The following PDLIM5 variants were observed in gnomAD, a reference collection of about 807,000 sequenced individuals.
PDLIM5 encodes PDZ and LIM domain 5.
Under a neutral mutation model 64.2 loss-of-function variants are expected in PDLIM5, and 34 were observed. That is an observed-to-expected ratio of 0.53 (90% confidence interval 0.40 to 0.71). The LOEUF (loss-of-function observed/expected upper bound fraction) is 0.71. Among genes scored for constraint, PDLIM5 ranks in the 30% least tolerant of loss-of-function variants. The pLI, the probability that PDLIM5 is intolerant of heterozygous loss-of-function variation, is 0.00. For synonymous variants in PDLIM5, 253 were observed against 269.1 expected (o/e 0.94, Z 0.59); for missense variants, 683 against 733.6 (o/e 0.93, Z 0.80).
chr4:94,612,370 A>G (rs938537397), intron 7 of PDLIM5, among the ~76,000 whole-genome samples: 7 of 152,190 alleles, frequency 4.6e-5, no homozygotes, highest in African/African-American at 1.7e-4. Flanking sequence ...TTATATTAGA[A>G]TATTGTGAGT....
At chr4:94,543,957 G>A (rs747081108) in intron 3 of PDLIM5, among the ~76,000 whole-genome samples, 13 of 152,090 alleles carry the variant, frequency 8.5e-5, no homozygotes, top group Admixed American at 2.0e-4. Flanking sequence ...TGGGATTGTC[G>A]GATCATATGG....
Position 94,664,562 on chromosome 4 carries a change from T to A in PDLIM5, c.*495T>A. On this transcript the variant is annotated 3_prime_UTR_variant, in exon 13 of 13. Coordinates refer to ENST00000317968, the MANE Select transcript of PDLIM5 (RefSeq NM_006457.5). ...AACAGAGAATTTTATCAGTAATAGG[T>A]GTCAGTTTTTAAAAAATTGCTTGTA... 10 of 866,816 alleles carry A rather than the reference T, an allele frequency of 1.2e-5. No homozygotes were observed. Among genetic ancestry groups the A allele is most frequent in the African/African-American group, 1.8e-5 (1 of 54,466 alleles). 53.7% of individuals were successfully genotyped at this position (866,816 alleles called of 1,614,324 possible).
intron 5 of PDLIM5, among the ~76,000 whole-genome samples, chr4:94,585,342 A>G (rs1421629837): frequency 1.3e-5 from 2 of 152,098 alleles, no homozygotes; most frequent in Non-Finnish European, 1.5e-5. Flanking sequence ...CGCCCACCTC[A>G]GCCTCCCAAA....
chr4:94,531,025 T>G (rs1175754156), intron 3 of PDLIM5, among the ~76,000 whole-genome samples: 2 of 152,316 alleles, frequency 1.3e-5, no homozygotes, highest in East Asian at 3.9e-4. Flanking sequence ...TCTGGGACAT[T>G]TCAGTTCATG....
In PDLIM5 at chr4:94,640,458, G is replaced by GT; in HGVS notation, c.1283+14dup. The GT allele has an allele frequency of 7.1e-7, 1 of 1,409,126 alleles. No homozygotes were observed. The highest frequency in any genetic ancestry group is 9.5e-7 in the Non-Finnish European group (1 of 1,055,424). The allele number at this position is 1,409,126 out of a possible 1,614,324, so 87.3% of individuals were successfully genotyped here. A position where few individuals can be genotyped will look rare whatever the true frequency, so the allele number is the denominator to read the frequency against. ...TTGTAACCAGGTCATCAGGTTGGTT[G>GT]TTTTTTGAAATTTTCTTGAAAGTAC... On this transcript the variant is annotated intron_variant, in intron 9 of 12. Transcript: ENST00000317968.
chr4:94,510,297 A>G (rs1169429808), intron 2 of PDLIM5, among the ~76,000 whole-genome samples: 1 of 152,180 alleles, frequency 6.6e-6, no homozygotes, highest in African/African-American at 2.4e-5. Flanking sequence ...AGAAATACCC[A>G]TGTTTGCTGG....
At position 94,467,874 on chromosome 4, in the gene PDLIM5, T is replaced by C. The variant is rs571690059; in HGVS notation, c.96+12490T>C. On this transcript the variant is annotated intron_variant, in intron 2 of 12. Coordinates refer to ENST00000317968, the MANE Select transcript of PDLIM5 (RefSeq NM_006457.5). ...CAGGGGAATGAGTTATATTTCCCTT[T>C]GAGTCTTGTGGATATTCTGTAAGAA... 1.5e-4 allele frequency among the ~76,000 whole-genome samples: 23 copies of C among 152,356 alleles called. No individual in the cohort carries two copies. The South Asian group carries it at 4.8e-3, about 32-fold the overall frequency.
intron 8 of PDLIM5, among the ~76,000 whole-genome samples, chr4:94,636,282 G>A (rs528832462): frequency 3.3e-5 from 5 of 152,086 alleles, no homozygotes; most frequent in Non-Finnish European, 5.9e-5. Flanking sequence ...AAAGGCATAT[G>A]GTAGATGAAA....
chr4:94,636,108 G>A (rs1740536827), intron 8 of PDLIM5, among the ~76,000 whole-genome samples: 1 of 152,158 alleles, frequency 6.6e-6, no homozygotes, highest in Non-Finnish European at 1.5e-5. Flanking sequence ...GGCTTCTCAT[G>A]CTAAATAAGT....
chr4:94,594,298 GGT>G, intron 7 of PDLIM5, among the ~76,000 whole-genome samples: 1 of 151,916 alleles, frequency 6.6e-6, no homozygotes, highest in African/African-American at 2.4e-5. Context: ...TTGTGTTTTT[GGT>G]GTGTTTCAAC....
At chr4:94,511,968 T>G (rs773840870) in intron 2 of PDLIM5, among the ~76,000 whole-genome samples, 8 of 151,964 alleles carry the variant, frequency 5.3e-5, no homozygotes, top group Non-Finnish European at 1.2e-4. Flanking sequence ...ATATACTGAC[T>G]TCCTGTCTTT....
intron 12 of PDLIM5, among the ~76,000 whole-genome samples, chr4:94,663,673 C>A (rs890777725): frequency 6.6e-6 from 1 of 152,038 alleles, no homozygotes; most frequent in Non-Finnish European, 1.5e-5. Flanking sequence ...ATTTAACGAG[C>A]CCCCTTTCTA....
intron 2 of PDLIM5, among the ~76,000 whole-genome samples, chr4:94,485,707 G>A (rs1428642842): frequency 6.6e-6 from 1 of 151,204 alleles, no homozygotes; most frequent in Non-Finnish European, 1.5e-5. Flanking sequence ...ACCACTAGCC[G>A]GGCGTGGTGG....
At chr4:94,623,909 T>C (rs939294326) in intron 8 of PDLIM5, among the ~76,000 whole-genome samples, 6 of 152,204 alleles carry the variant, frequency 3.9e-5, no homozygotes, top group African/African-American at 1.4e-4. Context: ...CTCTTCAGAA[T>C]TAAGATCGTG....
chr4:94,522,760 A>G (rs1289549880), intron 2 of PDLIM5, among the ~76,000 whole-genome samples: 2 of 152,214 alleles, frequency 1.3e-5, no homozygotes, highest in African/African-American at 2.4e-5. Flanking sequence ...GAAACTCTGT[A>G]TAAGATTTTA....
chr4:94,623,978 TAAC>T, intron 8 of PDLIM5, among the ~76,000 whole-genome samples: 1 of 152,066 alleles, frequency 6.6e-6, no homozygotes, highest in East Asian at 1.9e-4. Context: ...TAAAAAATAA[TAAC>T]AGTTGTAAAG....
chr4:94,474,212 G>A (rs1055897101), intron 2 of PDLIM5, among the ~76,000 whole-genome samples: 3 of 152,036 alleles, frequency 2.0e-5, no homozygotes, highest in Non-Finnish European at 4.4e-5. Flanking sequence ...TCATTCAGTG[G>A]ATGATCATTA....
intron 7 of PDLIM5, among the ~76,000 whole-genome samples, chr4:94,602,294 G>T (rs1410082236): frequency 6.6e-6 from 1 of 152,100 alleles, no homozygotes; most frequent in East Asian, 1.9e-4. Context: ...TTTTTATGTT[G>T]TAAAAGAAAA....
At chr4:94,559,844 G>T (rs1578375382) in intron 3 of PDLIM5, among the ~76,000 whole-genome samples, 1 of 152,172 alleles carries the variant, frequency 6.6e-6, no homozygotes, top group East Asian at 1.9e-4. Context: ...GAAGAAACAT[G>T]TTGGATACAC....
Sources: gnomAD v4.1 joint callset for allele counts (sites outside exome capture counted in the v4.1 genomes callset) on GRCh38, gnomAD v4.1.1 for gene constraint, MANE v1.5 for transcripts, NCBI Gene and HGNC (gene_info 2026-07-23, HGNC 2026-07-21) for gene names.